DCAF10: variants seen among roughly 807,000 people sequenced by gnomAD.
DCAF10 encodes the protein DDB1 and CUL4 associated factor 10.
In DCAF10, 19 loss-of-function variants were observed where a neutral mutation model predicts 51.9. The ratio of observed to expected loss-of-function variants is 0.37; its 90% CI spans 0.26 to 0.54. The LOEUF is 0.54. Ranked by LOEUF, DCAF10 falls within the 20% of genes least tolerant of loss-of-function variation. The probability of loss-of-function intolerance (pLI) is 0.87; values close to 1 mark genes in which losing one functional copy is unlikely to be tolerated. For missense variants in DCAF10, 510 were observed against 730.6 expected, an observed-to-expected ratio of 0.70 and a Z score of 3.48; for synonymous variants, 291 against 297.1, an observed-to-expected ratio of 0.98 and a Z score of 0.21.
At chr9:37,806,398 A>G (rs1216785067) in intron 1 of DCAF10, among the ~76,000 whole-genome samples, 1 of 152,198 alleles carries the variant, frequency 6.6e-6, no homozygotes, top group Non-Finnish European at 1.5e-5. Flanking sequence ...GGCAGCAGCC[A>G]TTCTAATTAC....
At chr9:37,851,972 C>T (rs925326868) in intron 3 of DCAF10, among the ~76,000 whole-genome samples, 4 of 151,886 alleles carry the variant, frequency 2.6e-5, no homozygotes, top group African/African-American at 9.7e-5. Flanking sequence ...TAGGGAAAAT[C>T]AGTGAGAGGC....
chr9:37,806,310 C>A (rs1314435456), intron 1 of DCAF10, among the ~76,000 whole-genome samples: 2 of 152,072 alleles, frequency 1.3e-5, no homozygotes, highest in Non-Finnish European at 2.9e-5. Flanking sequence ...CCTATAGTAA[C>A]CAATTATATA....
intron 4 of DCAF10, among the ~76,000 whole-genome samples, chr9:37,855,794 G>A (rs1174910152): frequency 6.6e-6 from 1 of 152,236 alleles, no homozygotes; most frequent in Non-Finnish European, 1.5e-5. Context: ...AGGATCGCTT[G>A]AGCCCAGGAG....
Position 37,862,029 on chromosome 9 carries a change from ACT to A in DCAF10, c.*522_*523del, listed in dbSNP as rs1267883613. 2 of 154,318 alleles carry A rather than the reference ACT, an allele frequency of 1.3e-5. No homozygotes were observed. Among genetic ancestry groups the A allele is most frequent in the Non-Finnish European group, 2.9e-5 (2 of 69,222 alleles). The allele number at this position is 154,318 out of a possible 1,614,324, so 9.6% of individuals were successfully genotyped here. A position where few individuals can be genotyped will look rare whatever the true frequency, so the allele number is the denominator to read the frequency against. ...TGAGTATACTTGGCCTTTTAAAGTT[ACT>A]GTTATGTTTATCTATATTGAGCACA... On this transcript the variant is annotated 3_prime_UTR_variant, in exon 7 of 7. Transcript: ENST00000377724.
At chr9:37,803,835 G>A (rs1375265221) in intron 1 of DCAF10, among the ~76,000 whole-genome samples, 2 of 149,486 alleles carry the variant, frequency 1.3e-5, no homozygotes, top group Non-Finnish European at 3.0e-5. Context: ...AGAAGGAGGG[G>A]GTGACACAGA....
At chr9:37,850,548 C>T (rs901668775) in intron 3 of DCAF10, among the ~76,000 whole-genome samples, 1 of 151,798 alleles carries the variant, frequency 6.6e-6, no homozygotes, top group Admixed American at 6.6e-5. Flanking sequence ...ATATCACTTA[C>T]ATGTAGAATC....
At chr9:37,831,460 T>C (rs1220363942) in intron 2 of DCAF10, among the ~76,000 whole-genome samples, 2 of 152,192 alleles carry the variant, frequency 1.3e-5, no homozygotes, top group African/African-American at 2.4e-5. Context: ...TTCTTAGATA[T>C]AGTAAGTGGT....
At chr9:37,836,761 T>C (rs1431045640) in intron 2 of DCAF10, among the ~76,000 whole-genome samples, 1 of 152,184 alleles carries the variant, frequency 6.6e-6, no homozygotes, top group African/African-American at 2.4e-5. Flanking sequence ...CTTGAAGTGT[T>C]CACACCCTTA....
At chr9:37,852,112 G>A (rs981886428) in intron 3 of DCAF10, among the ~76,000 whole-genome samples, 9 of 152,046 alleles carry the variant, frequency 5.9e-5, no homozygotes, top group African/African-American at 2.2e-4. Context: ...CAGTGAAATT[G>A]CAGTACTCTA....
At chr9:37,809,979 C>T (rs1209303899) in intron 1 of DCAF10, among the ~76,000 whole-genome samples, 1 of 151,914 alleles carries the variant, frequency 6.6e-6, no homozygotes, top group Non-Finnish European at 1.5e-5. Context: ...GGTGAAACCC[C>T]ATCTCTACTA....
intron 3 of DCAF10, among the ~76,000 whole-genome samples, chr9:37,843,595 T>G (rs1002036701): frequency 9.9e-5 from 15 of 152,132 alleles, no homozygotes; most frequent in Admixed American, 9.2e-4. Flanking sequence ...AGATAATTAT[T>G]TAAAAGAACA....
In DCAF10 at chr9:37,836,257, T is replaced by C. The variant is rs1035169794; in HGVS notation, c.654-5832T>C. 13 of 1,567,164 alleles carry C rather than the reference T, an allele frequency of 8.3e-6. No individual in the cohort carries two copies. The African/African-American group carries it at 1.8e-4, about 21-fold the overall frequency. On this transcript the variant is annotated intron_variant, in intron 2 of 6. Coordinates refer to ENST00000377724, the MANE Select transcript of DCAF10 (RefSeq NM_024345.5). ...CATCTAACTGGAAGCACAGCAGATGTCTACGTGGAATATATTCAGCGAAAC... is the reference window on the plus strand; with the variant it reads ...CATCTAACTGGAAGCACAGCAGATGCCTACGTGGAATATATTCAGCGAAAC...
intron 1 of DCAF10, among the ~76,000 whole-genome samples, chr9:37,803,780 C>T (rs1198037970): frequency 6.6e-6 from 1 of 150,378 alleles, no homozygotes; most frequent in Admixed American, 6.7e-5. Flanking sequence ...AATCAGCTTA[C>T]CAGGTAGCAT....
chr9:37,846,373 C>A (rs1415647194), intron 3 of DCAF10, among the ~76,000 whole-genome samples: 1 of 152,152 alleles, frequency 6.6e-6, no homozygotes, highest in East Asian at 1.9e-4. Context: ...CTATGAGCAA[C>A]TTTATGGCAA....
intron 2 of DCAF10, among the ~76,000 whole-genome samples, chr9:37,823,809 A>G (rs1829774671): frequency 6.6e-6 from 1 of 151,170 alleles, no homozygotes; most frequent in South Asian, 2.1e-4. Flanking sequence ...AATTATTGAG[A>G]TATTTTACTT....
chr9:37,819,186 A>T, intron 1 of DCAF10, 102 bp from the exon 2 acceptor site: 1 of 884,846 alleles, frequency 1.1e-6, no homozygotes, highest in Non-Finnish European at 1.7e-6. Flanking sequence ...GGCAAAAAAA[A>T]AAAGTTATTT....
chr9:37,811,558 A>G (rs1054978957), intron 1 of DCAF10, among the ~76,000 whole-genome samples: 2 of 152,166 alleles, frequency 1.3e-5, no homozygotes, highest in African/African-American at 2.4e-5. Flanking sequence ...GAAGCTAAAA[A>G]AAGAAAACCC....
intron 1 of DCAF10, among the ~76,000 whole-genome samples, chr9:37,814,202 G>A (rs1485897528): frequency 2.1e-5 from 3 of 141,864 alleles, no homozygotes; most frequent in Non-Finnish European, 3.0e-5. Flanking sequence ...GCAATGGCAC[G>A]ATCTCAGGTT....
At position 37,857,272 on chromosome 9, in the gene DCAF10, T is replaced by C; in HGVS notation, c.1086T>C (p.Pro362=). Residue 362 remains proline (P), a synonymous_variant, in exon 5 of 7, where the codon CCT becomes CCC. Transcript: ENST00000377724. ...CCACTTCATCAAGTTCATCTGGTCC[T>C]AGAGTTTCTGGCTCACCTTGTCATC... ...DLTTSSSSSG[P]RVSGSPCHHS... The C allele has an allele frequency of 6.2e-7, 1 of 1,609,910 alleles. No individual in the cohort carries two copies. Among genetic ancestry groups the C allele is most frequent in the Non-Finnish European group, 8.5e-7 (1 of 1,178,560 alleles).
Sources: gnomAD v4.1 joint callset for allele counts (sites outside exome capture counted in the v4.1 genomes callset) on GRCh38, gnomAD v4.1.1 for gene constraint, MANE v1.5 for transcripts, NCBI Gene and HGNC (gene_info 2026-07-23, HGNC 2026-07-21) for gene names.